Variants in AKR1B10 observed in about 807,000 individuals in gnomAD.
The protein encoded by AKR1B10 is aldo-keto reductase family 1 member B10.
Under a neutral mutation model 38.9 loss-of-function variants are expected in AKR1B10, and 39 were observed. The ratio of observed to expected loss-of-function variants is 1.00; its 90% CI spans 0.78 to 1.31. The LOEUF (loss-of-function observed/expected upper bound fraction) is 1.31. Ranked by LOEUF, AKR1B10 falls within the 50% of genes most tolerant of loss-of-function variation. The pLI is 0.00. For missense variants in AKR1B10, 361 were observed against 382.6 expected (o/e 0.94, Z 0.47); for synonymous variants, 148 against 141.2 (o/e 1.05, Z -0.34).
chr7:134,530,685 G>A lies in AKR1B10; in HGVS notation c.109G>A (p.Asp37Asn), dbSNP rs760675156. Residue 37 changes from aspartate to asparagine, a missense_variant, in exon 2 of 10, where the codon GAT becomes AAT. Physicochemically the swap from Asp to Asn is conservative, Grantham distance 23. Transcript: ENST00000359579. ...GAAAGAAGCAGTGAAGGTGGCCATTGATGCAGGATATCGGCACATTGACTG... is the reference window on the plus strand; with the variant it reads ...GAAAGAAGCAGTGAAGGTGGCCATTAATGCAGGATATCGGCACATTGACTG... The part of the protein sequence containing the change: ...KVKEAVKVAI[D>N]AGYRHIDCAY... 6.2e-7 allele frequency: 1 copy of A among 1,614,124 alleles called. No homozygotes were observed. Among genetic ancestry groups the A allele is most frequent in the South Asian group, 1.1e-5 (1 of 91,078 alleles).
intron 4 of AKR1B10, among the ~76,000 whole-genome samples, chr7:134,534,016 A>G (rs1247565163): frequency 1.3e-5 from 2 of 152,190 alleles, no homozygotes; most frequent in East Asian, 1.9e-4. Context: ...AAGCAAAAAT[A>G]TATTATGTTT....
rs774946368 is a variant in AKR1B10 at position 134,536,680 on chromosome 7, G to C, written c.460G>C (p.Val154Leu). The C allele has an allele frequency of 1.7e-5, 28 of 1,613,784 alleles. No homozygotes were observed. Among genetic ancestry groups the C allele is most frequent in the Non-Finnish European group, 2.3e-5 (27 of 1,179,840 alleles). The change falls in exon 5 of 10, where the codon GTG becomes CTG. Residue 154 changes from valine (V) to leucine (L), a missense_variant. Around this residue, in one of 3 missense-constraint regions of AKR1B10, gnomAD observed 220 missense variants for 216.1 expected, o/e 1.02. Coordinates refer to ENST00000359579, the MANE Select transcript of AKR1B10 (RefSeq NM_020299.5). ...GGAGGAGCTGGTGGATGAGGGGCTG[G>C]TGAAAGCCCTTGGGGTCTCCAATTT... ...AMEELVDEGL[V>L]KALGVSNFSH...
At position 134,536,746 on chromosome 7, in the gene AKR1B10, C is replaced by T. The variant is rs1269372457; in HGVS notation, c.526C>T (p.Leu176=). ...QIEKLLNKPG[L]KYKPVTNQVE... is the part of the protein sequence containing the mutation. Reference sequence around the variant, plus strand: ...CGAGAAGCTCTTGAACAAACCTGGACTGAAATATAAACCAGTGACTAACCA... The same window carrying T: ...CGAGAAGCTCTTGAACAAACCTGGATTGAAATATAAACCAGTGACTAACCA... The change falls in exon 5 of 10, where the codon CTG becomes TTG. Residue 176 remains leucine (L), a synonymous_variant. Coordinates refer to ENST00000359579, the MANE Select transcript of AKR1B10 (RefSeq NM_020299.5). The T allele has an allele frequency of 6.2e-7, 1 of 1,613,908 alleles. No homozygotes were observed. Among genetic ancestry groups the T allele is most frequent in the South Asian group, 1.1e-5 (1 of 91,074 alleles).
At position 134,530,772 on chromosome 7, in the gene AKR1B10, A is replaced by G. The variant is rs1219310730; in HGVS notation, c.196A>G (p.Lys66Glu). The G allele has an allele frequency of 6.2e-7, 1 of 1,613,814 alleles. No homozygotes were observed. Among genetic ancestry groups the G allele is most frequent in the South Asian group, 1.1e-5 (1 of 91,050 alleles). The change falls in exon 2 of 10, where the codon AAG becomes GAG. Residue 66 changes from lysine (K) to glutamate (E), a missense_variant. Transcript: ENST00000359579. ...AGCCATCCAAGAGAAGATCCAAGAGAAGGCTGTGAAGCGGGAGGACCTGTT... is the reference window on the plus strand; with the variant it reads ...AGCCATCCAAGAGAAGATCCAAGAGGAGGCTGTGAAGCGGGAGGACCTGTT... The part of the protein sequence containing the change: ...GEAIQEKIQE[K>E]AVKREDLFIV...
chr7:134,528,686 C>T (rs1807762895), intron 1 of AKR1B10, among the ~76,000 whole-genome samples: 1 of 152,142 alleles, frequency 6.6e-6, no homozygotes, highest in Non-Finnish European at 1.5e-5. Context: ...GATTGTGCCA[C>T]TGCACTCCAG....
intron 2 of AKR1B10, among the ~76,000 whole-genome samples, chr7:134,531,634 T>C (rs1807857985): frequency 6.6e-6 from 1 of 152,162 alleles, no homozygotes; most frequent in Non-Finnish European, 1.5e-5. Flanking sequence ...GGTAAACAAA[T>C]TTCAAATCTG....
intron 4 of AKR1B10, among the ~76,000 whole-genome samples, chr7:134,533,856 T>C (rs1807930392): frequency 6.6e-6 from 1 of 152,216 alleles, no homozygotes; most frequent in African/African-American, 2.4e-5. Context: ...TTTTTTATTA[T>C]TTATACCCTT....
chr7:134,539,008 A>G lies in AKR1B10; in HGVS notation c.899A>G (p.Asn300Ser), dbSNP rs754210435. The G allele has an allele frequency of 5.1e-5, 82 of 1,613,970 alleles. No individual in the cohort carries two copies. Among genetic ancestry groups the G allele is most frequent in the Non-Finnish European group, 6.6e-5 (78 of 1,179,982 alleles). Reference sequence around the variant, plus strand: ...TTCAACAGAAACTGGAGGGCCTGTAACGTGTTGCAGTAAGTGGCATGGAGT... The same window carrying G: ...TTCAACAGAAACTGGAGGGCCTGTAGCGTGTTGCAGTAAGTGGCATGGAGT... ...LSFNRNWRAC[N>S]VLQSSHLEDY... is the part of the protein sequence containing the mutation. Residue 300 changes from asparagine (N) to serine (S), a missense_variant, in exon 9 of 10, where the codon AAC becomes AGC. By Grantham distance (46) the Asn-to-Ser change is conservative. Transcript: ENST00000359579.
chr7:134,533,611 G>A (rs950912634), intron 4 of AKR1B10, among the ~76,000 whole-genome samples: 1 of 152,156 alleles, frequency 6.6e-6, no homozygotes, highest in African/African-American at 2.4e-5. Context: ...AACCTAGATT[G>A]TTTGATGACT....
chr7:134,528,844 G>C (rs1192091603), intron 1 of AKR1B10, among the ~76,000 whole-genome samples: 2 of 152,162 alleles, frequency 1.3e-5, no homozygotes, highest in Non-Finnish European at 2.9e-5. Flanking sequence ...AGATCCCTAC[G>C]TGGTTCCTGT....
rs747073117 is a variant in AKR1B10, at chr7:134,541,047, A to G, written c.909A>G (p.Gln303=). 1.9e-6 allele frequency: 3 copies of G among 1,574,032 alleles called. No individual in the cohort carries two copies. The Admixed American group carries it at 5.0e-5, about 26-fold the overall frequency. ...NRNWRACNVL[Q]SSHLEDYPFN... ...TTTTGTTTTTTGTTCTTTCCTGCAG[A>G]TCCTCTCATTTGGAAGACTATCCCT... The change falls in exon 10 of 10, where the codon CAA becomes CAG. Residue 303 remains glutamine (Q), a splice_region_variant and synonymous_variant. Coordinates refer to ENST00000359579, the MANE Select transcript of AKR1B10 (RefSeq NM_020299.5).
At chr7:134,530,575 G>A in intron 1 of AKR1B10, 68 bp from the exon 2 acceptor site, 1 of 1,575,266 alleles carries the variant, frequency 6.3e-7, no homozygotes, top group Non-Finnish European at 8.7e-7. Flanking sequence ...GGCCAGCCTG[G>A]GCAACACGGC....
At chr7:134,539,871 A>C (rs1433732471) in intron 9 of AKR1B10, among the ~76,000 whole-genome samples, 1 of 152,242 alleles carries the variant, frequency 6.6e-6, no homozygotes, top group Non-Finnish European at 1.5e-5. Context: ...CCAGATCTGT[A>C]ATTCAATGAG....
Position 134,527,875 on chromosome 7 carries a change from T to C in AKR1B10, c.-37T>C, listed in dbSNP as rs551660299. ...AGCAACAGAGAGCAGGACGTGAGAC[T>C]TCTACCTGCTCACTCAGAATCATTT... On this transcript the variant is annotated 5_prime_UTR_variant, in exon 1 of 10. Transcript: ENST00000359579. 2.4e-5 allele frequency: 38 copies of C among 1,612,134 alleles called. 1 individual carries two copies. The Middle Eastern group carries it at 6.5e-4, about 27-fold the overall frequency.
chr7:134,534,791 A>G (rs1443185214), intron 4 of AKR1B10, among the ~76,000 whole-genome samples: 2 of 152,210 alleles, frequency 1.3e-5, no homozygotes, highest in African/African-American at 2.4e-5. Context: ...TAATTGCCCC[A>G]TCTGAAATTT....
chr7:134,538,826 C>T, intron 8 of AKR1B10, 109 bp from the exon 9 acceptor site: 6 of 1,275,908 alleles, frequency 4.7e-6, no homozygotes, highest in Admixed American at 2.0e-5. Flanking sequence ...ACTCCTGTGG[C>T]CAGTTTGTGC....
Position 134,527,774 on chromosome 7 carries a change from A to G in AKR1B10, c.-138A>G. ...GGCAGGAGAATTGCTTGAACCCAGGAGACAGAGGTTGTAGTGAGCTGAGAT... is the reference window on the plus strand; with the variant it reads ...GGCAGGAGAATTGCTTGAACCCAGGGGACAGAGGTTGTAGTGAGCTGAGAT... On this transcript the variant is annotated 5_prime_UTR_variant, in exon 1 of 10. Transcript: ENST00000359579. 3 of 1,288,600 alleles carry G rather than the reference A, an allele frequency of 2.3e-6. No individual in the cohort carries two copies. Among genetic ancestry groups the G allele is most frequent in the Non-Finnish European group, 3.2e-6 (3 of 933,798 alleles). 79.8% of individuals were successfully genotyped at this position (1,288,600 alleles called of 1,614,324 possible). A position where few individuals can be genotyped will look rare whatever the true frequency, so the allele number is the denominator to read the frequency against.
chr7:134,528,322 G>T (rs1807748469), intron 1 of AKR1B10, among the ~76,000 whole-genome samples: 1 of 152,198 alleles, frequency 6.6e-6, no homozygotes, highest in South Asian at 2.1e-4. Context: ...TTTGTTGTGG[G>T]CTGGGTGGTT....
Position 134,531,924 on chromosome 7 carries a change from T to C in AKR1B10, c.251T>C (p.Phe84Ser). The C allele has an allele frequency of 1.9e-6, 3 of 1,614,126 alleles. No homozygotes were observed. The highest frequency in any genetic ancestry group is 1.7e-6 in the Non-Finnish European group (2 of 1,179,968). ...TCTTTGCAGTTGTGGCCCACTTTCT[T>C]TGAGAGACCCCTTGTGAGGAAAGCC... ...FIVSKLWPTF[F>S]ERPLVRKAFE... is the part of the protein sequence containing the mutation. Residue 84 changes from phenylalanine (F) to serine (S), a missense_variant, in exon 3 of 10, where the codon TTT becomes TCT. Phe to Ser is a radical substitution (Grantham distance 155). Transcript: ENST00000359579.
Sources: allele counts gnomAD v4.1 joint callset (sites outside exome capture counted in the v4.1 genomes callset), GRCh38; gene constraint gnomAD v4.1.1; regional missense constraint gnomAD v4.1.1; transcripts MANE v1.5; gene names NCBI Gene and HGNC (gene_info 2026-07-23, HGNC 2026-07-21).